The following MRC1 variants were observed in gnomAD, a reference collection of about 807,000 sequenced individuals.
MRC1 encodes macrophage mannose receptor 1.
A neutral mutation model predicts 102.9 loss-of-function variants in MRC1; 62 were observed. That is an observed-to-expected ratio of 0.60 (90% CI 0.49 to 0.74). MRC1 has a LOEUF of 0.74. MRC1 is among the 30% of genes least tolerant of loss of function. The pLI is 0.00. For missense variants in MRC1, 1,237 were observed against 862.8 expected, an observed-to-expected ratio of 1.43 and a Z score of -5.43; for synonymous variants, 457 against 298.4, an observed-to-expected ratio of 1.53 and a Z score of -5.48.
chr10:17,879,883 A>G (rs1260419090), intron 19 of MRC1, 62 bp downstream of exon 19: 2 of 780,514 alleles, frequency 2.6e-6, no homozygotes, highest in Non-Finnish European at 4.8e-6. Flanking sequence ...CCACATCCCT[A>G]GACTAAAAGT....
At chr10:17,831,138 C>T (rs985006958) in intron 3 of MRC1, among the ~76,000 whole-genome samples, 9 of 150,436 alleles carry the variant, frequency 6.0e-5, no homozygotes, top group South Asian at 2.1e-4. Flanking sequence ...CCTTGTGATC[C>T]GCCCACCTCA....
chr10:17,837,098 T>TC (rs1838677712), intron 4 of MRC1, among the ~76,000 whole-genome samples: 1 of 152,158 alleles, frequency 6.6e-6, no homozygotes, highest in Non-Finnish European at 1.5e-5. Flanking sequence ...GACTCTGCTA[T>TC]CGGACTCGAG....
chr10:17,909,451 T>C (rs1026933976), intron 29 of MRC1, 104 bp downstream of exon 29: 25 of 744,942 alleles, frequency 3.4e-5, no homozygotes, highest in African/African-American at 5.2e-5. Flanking sequence ...GCTCTCTCAG[T>C]AGAATTTGCT....
At chr10:17,877,246 A>G (rs1453620814) in intron 17 of MRC1, among the ~76,000 whole-genome samples, 1 of 148,228 alleles carries the variant, frequency 6.7e-6, no homozygotes, top group Non-Finnish European at 1.5e-5. Context: ...AAATTATAAT[A>G]TATATGTAAT....
chr10:17,836,026 G>A (rs1324702041), intron 4 of MRC1, among the ~76,000 whole-genome samples: 1 of 152,250 alleles, frequency 6.6e-6, no homozygotes, highest in Non-Finnish European at 1.5e-5. Context: ...GACTGCCTAG[G>A]TCCCAGCTCT....
chr10:17,853,191 C>T, intron 8 of MRC1, 67 bp downstream of exon 8: 2 of 775,404 alleles, frequency 2.6e-6, no homozygotes, highest in Non-Finnish European at 4.8e-6. Context: ...CTGTCCCAGT[C>T]AGTTACATAT....
intron 21 of MRC1, among the ~76,000 whole-genome samples, chr10:17,884,140 G>A (rs938291336): frequency 1.3e-5 from 2 of 152,080 alleles, no homozygotes; most frequent in Non-Finnish European, 2.9e-5. Flanking sequence ...GTTAATTTTT[G>A]TATTTCTTTG....
intron 22 of MRC1, among the ~76,000 whole-genome samples, chr10:17,893,210 C>G (rs1217432156): frequency 7.1e-6 from 1 of 141,232 alleles, no homozygotes; most frequent in African/African-American, 2.6e-5. Context: ...GGCTGGAGTG[C>G]AGTGGTATGG....
intron 26 of MRC1, among the ~76,000 whole-genome samples, chr10:17,906,280 A>G (rs1177985471): frequency 1.3e-5 from 2 of 150,922 alleles, no homozygotes; most frequent in Non-Finnish European, 2.9e-5. Flanking sequence ...GTCTTCTGCA[A>G]CGAGACCTAA....
rs1013089013 is a variant in MRC1, at chr10:17,897,221, A to G, written c.3251-813A>G. On this transcript the variant is annotated intron_variant, in intron 23 of 29. Transcript: ENST00000569591. ...GGTCAGATTTCATCCTCTGGCTATT[A>G]TTTGCTGACTTCTAGGGCATCAGAT... Among the ~76,000 whole-genome samples the G allele has an allele frequency of 8.3e-3, 1,262 of 152,304 alleles. 18 individuals are homozygous for G. Among genetic ancestry groups the G allele is most frequent in the African/African-American group, 0.029 (1,190 of 41,576 alleles).
chr10:17,853,533 A>T (rs1833019457), intron 8 of MRC1, among the ~76,000 whole-genome samples: 1 of 152,012 alleles, frequency 6.6e-6, no homozygotes, highest in Non-Finnish European at 1.5e-5. Context: ...TATAAGCCAT[A>T]TATATGATTA....
chr10:17,878,168 A>G (rs1162220977), intron 18 of MRC1, among the ~76,000 whole-genome samples: 1 of 152,222 alleles, frequency 6.6e-6, no homozygotes, highest in Non-Finnish European at 1.5e-5. Flanking sequence ...AAACAACTCA[A>G]AATTGGATTC....
chr10:17,877,421 G>T lies in MRC1; in HGVS notation c.2551-479G>T, dbSNP rs1025679968. Among the ~76,000 whole-genome samples the T allele has an allele frequency of 3.8e-4, 56 of 149,186 alleles. 1 individual carries two copies. The highest frequency in any genetic ancestry group is 7.4e-4 in the Non-Finnish European group (50 of 67,450). On this transcript the variant is annotated intron_variant, in intron 17 of 29. Coordinates refer to ENST00000569591, the MANE Select transcript of MRC1 (RefSeq NM_002438.4). ...GCCTCCCAAGTAGCTGGGACTACAG[G>T]TATGCACCACCATCTCCCACAGGGT...
At position 17,910,659 on chromosome 10, in the gene MRC1, C is replaced by A. The variant is rs1412430898; in HGVS notation, c.*194C>A. The stretch of plus-strand genomic sequence containing the variant: ...AGATATTTTCATAAAAGAGGGATAA[C>A]AATGCTGATTACTACCTTTTAAAAT... On this transcript the variant is annotated 3_prime_UTR_variant, in exon 30 of 30. Transcript: ENST00000569591. 1.9e-4 allele frequency: 121 copies of A among 643,466 alleles called. No homozygotes were observed. The East Asian group carries it at 2.8e-3, about 15-fold the overall frequency. 39.9% of individuals were successfully genotyped at this position (643,466 alleles called of 1,614,324 possible). A position where few individuals can be genotyped will look rare whatever the true frequency, so the allele number is the denominator to read the frequency against.
At chr10:17,888,291 G>A (rs1833628195) in intron 22 of MRC1, among the ~76,000 whole-genome samples, 1 of 152,154 alleles carries the variant, frequency 6.6e-6, no homozygotes, top group Non-Finnish European at 1.5e-5. Context: ...AAAGGAAATA[G>A]GGTGAGTGGA....
intron 1 of MRC1, among the ~76,000 whole-genome samples, chr10:17,819,838 G>A (rs939411508): frequency 5.3e-5 from 8 of 152,204 alleles, no homozygotes; most frequent in South Asian, 4.2e-4. Context: ...CCAGCTACTC[G>A]GGAGGCTGAA....
At chr10:17,844,004 A>C (rs1326122791) in intron 5 of MRC1, among the ~76,000 whole-genome samples, 1 of 152,188 alleles carries the variant, frequency 6.6e-6, no homozygotes, top group Non-Finnish European at 1.5e-5. Flanking sequence ...TTAGAGTAGC[A>C]AAACGCATGT....
intron 1 of MRC1, among the ~76,000 whole-genome samples, chr10:17,814,496 C>T (rs1264248292): frequency 6.6e-6 from 1 of 151,966 alleles, no homozygotes; most frequent in African/African-American, 2.4e-5. Flanking sequence ...ATTATTGTCC[C>T]CATTTTACAG....
intron 22 of MRC1, among the ~76,000 whole-genome samples, chr10:17,891,316 G>A (rs924232982): frequency 0.14 from 21,758 of 151,482 alleles, 2,116 homozygotes; most frequent in Non-Finnish European, 0.22. Context: ...ACAGGCGCCC[G>A]CCACCACTCC....
Sources: allele counts gnomAD v4.1 joint callset (sites outside exome capture counted in the v4.1 genomes callset), GRCh38; gene constraint gnomAD v4.1.1; transcripts MANE v1.5; gene names NCBI Gene and HGNC (gene_info 2026-07-23, HGNC 2026-07-21).